LDAH: variants seen among roughly 807,000 people sequenced by gnomAD.
LDAH encodes the protein lipid droplet-associated hydrolase.
A neutral mutation model predicts 29.6 loss-of-function variants in LDAH; 26 were observed. The ratio of observed to expected loss-of-function variants is 0.88; its 90% CI spans 0.64 to 1.22. LDAH has a LOEUF of 1.22. Ranked by LOEUF, LDAH falls within the 50% of genes most tolerant of loss-of-function variation. LDAH has a pLI of 0.00. For missense variants in LDAH, 344 were observed against 387.3 expected, an observed-to-expected ratio of 0.89 and a Z score of 0.94; for synonymous variants, 117 against 133.0, an observed-to-expected ratio of 0.88 and a Z score of 0.83.
At chr2:20,765,764 C>G (rs886128669) in intron 4 of LDAH, among the ~76,000 whole-genome samples, 1 of 152,158 alleles carries the variant, frequency 6.6e-6, no homozygotes, top group Non-Finnish European at 1.5e-5. Context: ...CTCGTGGTCT[C>G]AGGGCAGTCG....
At chr2:20,713,086 G>A (rs191043694) in intron 5 of LDAH, among the ~76,000 whole-genome samples, 368 of 152,234 alleles carry the variant, frequency 2.4e-3, no homozygotes, top group Admixed American at 5.4e-3. Flanking sequence ...ACACATAATT[G>A]TCAGATTCAC....
chr2:20,797,544 G>A (rs1671383812), intron 2 of LDAH, among the ~76,000 whole-genome samples: 1 of 152,080 alleles, frequency 6.6e-6, no homozygotes, highest in Admixed American at 6.6e-5. Flanking sequence ...TTTTAGTACT[G>A]AAAGTCTTAT....
chr2:20,782,348 G>A (rs1410147798), intron 3 of LDAH, among the ~76,000 whole-genome samples: 1 of 152,156 alleles, frequency 6.6e-6, no homozygotes, highest in Non-Finnish European at 1.5e-5. Flanking sequence ...CTCTTCAAAT[G>A]TTCGCTTCTG....
intron 1 of LDAH, among the ~76,000 whole-genome samples, chr2:20,805,126 A>G (rs1671971256): frequency 1.3e-5 from 2 of 152,242 alleles, no homozygotes; most frequent in African/African-American, 2.4e-5. Flanking sequence ...TTCAAATCAT[A>G]AATATCAATA....
At chr2:20,788,043 C>T (rs763440029) in intron 3 of LDAH, among the ~76,000 whole-genome samples, 1 of 152,282 alleles carries the variant, frequency 6.6e-6, no homozygotes, top group African/African-American at 2.4e-5. Flanking sequence ...TTTAGTATTT[C>T]TTTTCAACCT....
chr2:20,704,884 T>C (rs1664195904), intron 5 of LDAH, among the ~76,000 whole-genome samples: 1 of 152,248 alleles, frequency 6.6e-6, no homozygotes, highest in Non-Finnish European at 1.5e-5. Context: ...CAATAATTCA[T>C]TTATTCTGTC....
intron 3 of LDAH, among the ~76,000 whole-genome samples, chr2:20,779,404 A>G (rs567234823): frequency 3.9e-5 from 6 of 151,968 alleles, no homozygotes; most frequent in African/African-American, 1.2e-4. Flanking sequence ...GGTGCAGCAA[A>G]CCACCATAGC....
intron 6 of LDAH, among the ~76,000 whole-genome samples, chr2:20,688,853 T>TA (rs1310598382): frequency 8.3e-6 from 1 of 120,096 alleles, no homozygotes; most frequent in East Asian, 2.2e-4. Context: ...TTTTTTTTTT[T>TA]AATTATACTT....
At chr2:20,795,382 C>A (rs902615958) in intron 2 of LDAH, among the ~76,000 whole-genome samples, 3 of 152,160 alleles carry the variant, frequency 2.0e-5, no homozygotes, top group Non-Finnish European at 4.4e-5. Flanking sequence ...CTATTGGACT[C>A]ATTCATGGAG....
intron 6 of LDAH, among the ~76,000 whole-genome samples, chr2:20,689,388 G>T (rs774136504): frequency 2.0e-5 from 3 of 152,188 alleles, no homozygotes; most frequent in African/African-American, 7.2e-5. Context: ...AGCAGAGTAA[G>T]AACTTCTTTT....
intron 5 of LDAH, among the ~76,000 whole-genome samples, chr2:20,704,564 G>A (rs1020369167): frequency 6.6e-6 from 1 of 152,124 alleles, no homozygotes; most frequent in South Asian, 2.1e-4. Context: ...CCATGAAATA[G>A]TACAGTATGA....
At chr2:20,775,534 A>C (rs916231931) in intron 3 of LDAH, among the ~76,000 whole-genome samples, 10 of 152,206 alleles carry the variant, frequency 6.6e-5, no homozygotes, top group African/African-American at 2.4e-4. Flanking sequence ...AATTTATATT[A>C]CTAATAGACA....
chr2:20,696,966 G>A (rs533851323), intron 6 of LDAH, among the ~76,000 whole-genome samples: 2 of 152,042 alleles, frequency 1.3e-5, no homozygotes, highest in Admixed American at 6.5e-5. Context: ...ATCATTAGAA[G>A]TCTTCTCTCC....
chr2:20,755,780 A>C (rs145601164), intron 4 of LDAH, among the ~76,000 whole-genome samples: 2 of 152,366 alleles, frequency 1.3e-5, no homozygotes, highest in Non-Finnish European at 2.9e-5. Flanking sequence ...AAGCCAAAAT[A>C]CTAAATGCTA....
At chr2:20,799,038 C>T (rs189958308) in intron 2 of LDAH, among the ~76,000 whole-genome samples, 4 of 151,998 alleles carry the variant, frequency 2.6e-5, no homozygotes, top group Admixed American at 2.0e-4. Context: ...ACACGCCTGG[C>T]CAACATGGTG....
At chr2:20,731,759 T>G (rs7591521) in intron 5 of LDAH, among the ~76,000 whole-genome samples, 170 of 152,312 alleles carry the variant, frequency 1.1e-3, no homozygotes, top group African/African-American at 3.9e-3. Flanking sequence ...TATTGACTTT[T>G]GTGCTTATCC....
intron 4 of LDAH, among the ~76,000 whole-genome samples, chr2:20,767,092 C>A (rs1190528188): frequency 1.3e-5 from 2 of 152,214 alleles, no homozygotes; most frequent in Admixed American, 1.3e-4. Flanking sequence ...ATGCCAGGGC[C>A]ACTGGGGGAG....
chr2:20,700,398 A>T (rs887133517), intron 6 of LDAH, among the ~76,000 whole-genome samples: 28 of 152,210 alleles, frequency 1.8e-4, no homozygotes, highest in Non-Finnish European at 2.9e-4. Flanking sequence ...TAAAAAAAAA[A>T]TTTTAAGAAC....
intron 3 of LDAH, among the ~76,000 whole-genome samples, chr2:20,788,490 C>T (rs1314563726): frequency 6.6e-6 from 1 of 152,118 alleles, no homozygotes; most frequent in East Asian, 1.9e-4. Context: ...TCAAAGAGTA[C>T]AGGCTTTTGT....
Sources: gnomAD v4.1 joint callset for allele counts (sites outside exome capture counted in the v4.1 genomes callset) on GRCh38, gnomAD v4.1.1 for gene constraint, MANE v1.5 for transcripts, NCBI Gene and HGNC (gene_info 2026-07-23, HGNC 2026-07-21) for gene names.